SPSB4: variants seen among roughly 807,000 people sequenced by gnomAD.
SPSB4 encodes the protein SPRY domain-containing SOCS box protein 4.
SPSB4 carries 21 observed loss-of-function variants against 20.9 expected under a neutral mutation model. The ratio of observed to expected loss-of-function variants is 1.01; its 90% CI spans 0.71 to 1.45. The LOEUF is 1.45. Ranked by LOEUF, SPSB4 falls within the 40% of genes most tolerant of loss-of-function variation. SPSB4 has a pLI of 0.00. For synonymous variants in SPSB4, 207 were observed against 183.8 expected (o/e 1.13, Z -1.02); for missense variants, 399 against 399.2 (o/e 1.00, Z 0.00).
intron 2 of SPSB4, among the ~76,000 whole-genome samples, chr3:141,128,263 G>A (rs1286622826): frequency 1.3e-5 from 2 of 152,126 alleles, no homozygotes; most frequent in Non-Finnish European, 2.9e-5. Context: ...TGAGGATCTG[G>A]CAGTCAAGAA....
chr3:141,115,676 G>A (rs894004415), intron 2 of SPSB4, among the ~76,000 whole-genome samples: 7 of 152,164 alleles, frequency 4.6e-5, no homozygotes, highest in African/African-American at 1.4e-4. Flanking sequence ...AACTAGAAGC[G>A]GAAGTAAAGT....
At chr3:141,061,582 C>T (rs527810523) in intron 1 of SPSB4, among the ~76,000 whole-genome samples, 119 of 151,842 alleles carry the variant, frequency 7.8e-4, no homozygotes, top group African/African-American at 2.8e-3. Context: ...AACTAATGAA[C>T]CAGTATTGAT....
chr3:141,095,200 TGCC>T (rs1938526512), intron 2 of SPSB4, among the ~76,000 whole-genome samples: 1 of 152,080 alleles, frequency 6.6e-6, no homozygotes, highest in South Asian at 2.1e-4. Context: ...GTGCGGGTGA[TGCC>T]GCAGCCCTCC....
At chr3:141,101,430 C>T (rs983317541) in intron 2 of SPSB4, among the ~76,000 whole-genome samples, 3 of 152,198 alleles carry the variant, frequency 2.0e-5, no homozygotes, top group African/African-American at 7.2e-5. Flanking sequence ...CCCACCTCCT[C>T]GCTCTGCAGC....
intron 2 of SPSB4, among the ~76,000 whole-genome samples, chr3:141,113,224 T>C (rs1177613890): frequency 6.6e-6 from 1 of 152,188 alleles, no homozygotes; most frequent in East Asian, 1.9e-4. Flanking sequence ...GAAAACAGTT[T>C]GGCAGTTCCT....
chr3:141,100,146 ATTC>A (rs1938593827), intron 2 of SPSB4, among the ~76,000 whole-genome samples: 1 of 152,034 alleles, frequency 6.6e-6, no homozygotes, highest in African/African-American at 2.4e-5. Flanking sequence ...GCTGTGCCCT[ATTC>A]TTCCCTGGCA....
intron 2 of SPSB4, among the ~76,000 whole-genome samples, chr3:141,145,577 T>C (rs1015045031): frequency 1.6e-4 from 24 of 152,252 alleles, no homozygotes; most frequent in African/African-American, 5.5e-4. Flanking sequence ...ATCACAACTC[T>C]TGTGTTAGTA....
At chr3:141,108,405 A>G (rs982206357) in intron 2 of SPSB4, among the ~76,000 whole-genome samples, 1 of 152,218 alleles carries the variant, frequency 6.6e-6, no homozygotes, top group African/African-American at 2.4e-5. Context: ...TATTTTGCTC[A>G]AACTAATGTT....
chr3:141,089,356 C>T (rs569995045), intron 2 of SPSB4, among the ~76,000 whole-genome samples: 1 of 152,274 alleles, frequency 6.6e-6, no homozygotes, highest in South Asian at 2.1e-4. Context: ...GCAGTAAGGA[C>T]CCCAGGTGCC....
chr3:141,121,882 T>C (rs1484526418), intron 2 of SPSB4, among the ~76,000 whole-genome samples: 1 of 152,172 alleles, frequency 6.6e-6, no homozygotes, highest in Non-Finnish European at 1.5e-5. Flanking sequence ...TCGGAGAAGT[T>C]TGTTATTACC....
intron 2 of SPSB4, among the ~76,000 whole-genome samples, chr3:141,142,558 A>G (rs1425771269): frequency 6.6e-6 from 1 of 152,048 alleles, no homozygotes; most frequent in East Asian, 1.9e-4. Context: ...TGTTAAGTCC[A>G]TTTGTTCTAG....
At chr3:141,114,241 C>A (rs1004512365) in intron 2 of SPSB4, among the ~76,000 whole-genome samples, 1 of 152,194 alleles carries the variant, frequency 6.6e-6, no homozygotes, top group African/African-American at 2.4e-5. Context: ...TTCAGTCAAT[C>A]GCCCTGAGCA....
chr3:141,099,224 G>A (rs1328180723), intron 2 of SPSB4, among the ~76,000 whole-genome samples: 7 of 146,880 alleles, frequency 4.8e-5, no homozygotes, highest in Non-Finnish European at 1.0e-4. Flanking sequence ...TCGCTCTGTC[G>A]CCCAGGCTGG....
At chr3:141,114,828 C>T (rs370254850) in intron 2 of SPSB4, among the ~76,000 whole-genome samples, 12 of 152,246 alleles carry the variant, frequency 7.9e-5, no homozygotes, top group African/African-American at 1.7e-4. Context: ...CCCTTGTCTA[C>T]GGTAAAATAA....
At chr3:141,124,255 T>G (rs1364316626) in intron 2 of SPSB4, 1 of 152,160 alleles carries the variant, frequency 6.6e-6, no homozygotes, top group Non-Finnish European at 1.5e-5. Context: ...TGGGAGCCCA[T>G]AGGGGTGAGG....
chr3:141,144,991 C>G (rs1233647993), intron 2 of SPSB4, among the ~76,000 whole-genome samples: 1 of 152,038 alleles, frequency 6.6e-6, no homozygotes, highest in Non-Finnish European at 1.5e-5. Flanking sequence ...GAGATGGGGA[C>G]ACCCTGAGGG....
intron 2 of SPSB4, among the ~76,000 whole-genome samples, chr3:141,140,210 T>A (rs1371175142): frequency 6.6e-6 from 1 of 152,226 alleles, no homozygotes; most frequent in African/African-American, 2.4e-5. Flanking sequence ...CTTCTCTGCA[T>A]TGGTTATTCT....
intron 2 of SPSB4, among the ~76,000 whole-genome samples, chr3:141,146,610 C>T (rs1939416520): frequency 6.6e-6 from 1 of 152,108 alleles, no homozygotes; most frequent in African/African-American, 2.4e-5. Flanking sequence ...CCCGTCTCTA[C>T]TAAAAATACA....
chr3:141,084,967 G>T (rs988064619), intron 2 of SPSB4, among the ~76,000 whole-genome samples: 17 of 152,226 alleles, frequency 1.1e-4, no homozygotes, highest in Non-Finnish European at 2.1e-4. Flanking sequence ...GGTTGTAATT[G>T]AGCAGGAAGG....
Sources: gnomAD v4.1 joint callset for allele counts (sites outside exome capture counted in the v4.1 genomes callset) on GRCh38, gnomAD v4.1.1 for gene constraint, MANE v1.5 for transcripts, NCBI Gene and HGNC (gene_info 2026-07-23, HGNC 2026-07-21) for gene names.